The following MED26 variants were observed in gnomAD, a reference collection of about 807,000 sequenced individuals.
The protein encoded by MED26 is mediator complex subunit 26, also known as mediator of RNA polymerase II transcription subunit 26.
MED26 carries 7 observed loss-of-function variants against 43.7 expected under a neutral mutation model. The observed-to-expected ratio is 0.16, with a 90% CI of 0.09 to 0.30. The LOEUF is 0.30. Among genes scored for constraint, MED26 ranks in the 10% least tolerant of loss-of-function variants. The pLI, the probability that MED26 is intolerant of heterozygous loss-of-function variation, is 1.00. For synonymous variants in MED26, 375 were observed against 371.1 expected (o/e 1.01, Z -0.12); for missense variants, 784 against 840.6 (o/e 0.93, Z 0.83).
chr19:16,577,141 G>C lies in MED26; in HGVS notation c.689C>G (p.Thr230Ser). The change falls in exon 3 of 3, where the codon ACC becomes AGC. Residue 230 changes from threonine to serine, a missense_variant. Transcript: ENST00000263390. This position sits in a 1 kb window ranked among gnomAD's most constrained non-coding sequence, Gnocchi z 8.1. Reference protein sequence around the residue: ...KIPVNAVRPHTSSPGLGKPPG... With the variant: ...KIPVNAVRPHSSSPGLGKPPG... The stretch of plus-strand genomic sequence containing the variant: ...GGGCTTGCCCAGGCCCGGGGAGCTG[G>C]TGTGCGGTCGCACGGCGTTGACGGG... 1.9e-6 allele frequency: 3 copies of C among 1,613,342 alleles called. No homozygotes were observed. The highest frequency in any genetic ancestry group is 1.1e-5 in the South Asian group (1 of 91,082).
intron 1 of MED26, 57 bp downstream of exon 1, chr19:16,627,814 AG>A: frequency 3.8e-6 from 5 of 1,302,974 alleles, no homozygotes; most frequent in Middle Eastern, 2.3e-4. Context: ...GGTACAGGAG[AG>A]GGGGAGGGTC....
At chr19:16,612,023 G>A (rs1392195190) in intron 1 of MED26, 1 of 152,126 alleles carries the variant, frequency 6.6e-6, no homozygotes, top group African/African-American at 2.4e-5. Flanking sequence ...TATGCCTCTT[G>A]CTACATAAAT....
At chr19:16,603,757 G>A (rs1222462810) in intron 1 of MED26, among the ~76,000 whole-genome samples, 1 of 152,174 alleles carries the variant, frequency 6.6e-6, no homozygotes, top group African/African-American at 2.4e-5. Flanking sequence ...AAAGCAGTGG[G>A]GGACCAGGGG....
intron 1 of MED26, among the ~76,000 whole-genome samples, chr19:16,621,866 G>T (rs577090790): frequency 6.6e-6 from 1 of 151,976 alleles, no homozygotes; most frequent in African/African-American, 2.4e-5. Context: ...AATCCAGAGG[G>T]TACAACAACA....
chr19:16,619,211 A>G (rs1355980043), intron 1 of MED26, among the ~76,000 whole-genome samples: 1 of 152,252 alleles, frequency 6.6e-6, no homozygotes, highest in Admixed American at 6.5e-5. Context: ...ATATCCCTTC[A>G]CATCAGTATC....
chr19:16,586,423 C>G lies in MED26; in HGVS notation c.73-8014G>C, dbSNP rs1434376569. On this transcript the variant is annotated intron_variant, in intron 1 of 2. Transcript: ENST00000263390. The surrounding 1 kb of genome is among the most constrained non-coding windows in gnomAD (Gnocchi z 5.1). ...TTTGAGTAGGTGGGGTGAAGGGTAC[C>G]AGGTGCCACCAGCCTGTGGTGATGT... Among the ~76,000 whole-genome samples, 2 of 152,240 alleles carry G rather than the reference C, an allele frequency of 1.3e-5. No homozygotes were observed. The highest frequency in any genetic ancestry group is 4.8e-5 in the African/African-American group (2 of 41,466).
At chr19:16,597,572 C>CA (rs1476329122) in intron 1 of MED26, 5 of 397,434 alleles carry the variant, frequency 1.3e-5, no homozygotes, top group African/African-American at 4.1e-5. Flanking sequence ...TGAAAGGAGG[C>CA]ACACACCAAC....
At chr19:16,608,983 T>A (rs1168853225) in intron 1 of MED26, among the ~76,000 whole-genome samples, 1 of 152,144 alleles carries the variant, frequency 6.6e-6, no homozygotes, top group East Asian at 1.9e-4. Flanking sequence ...AAAACTATTA[T>A]CTAATTCAGC....
chr19:16,610,088 C>T (rs948871276), intron 1 of MED26, among the ~76,000 whole-genome samples: 4 of 151,556 alleles, frequency 2.6e-5, no homozygotes, highest in South Asian at 2.1e-4. Flanking sequence ...ACAGCGAGAC[C>T]GTCTCTATAA....
At chr19:16,617,178 C>T (rs531997250) in intron 1 of MED26, among the ~76,000 whole-genome samples, 1 of 152,308 alleles carries the variant, frequency 6.6e-6, no homozygotes, top group South Asian at 2.1e-4. Context: ...AGAGGCAATG[C>T]ACAAGTCTTC....
In MED26 at chr19:16,612,720, G is replaced by C. The variant is rs567522996; in HGVS notation, c.72+15152C>G. Among the ~76,000 whole-genome samples, 6 of 152,338 alleles carry C rather than the reference G, an allele frequency of 3.9e-5. No homozygotes were observed. In the South Asian group the frequency reaches 1.2e-3, roughly 32 times the overall value. The stretch of plus-strand genomic sequence containing the variant: ...CTGCAGCACAGAGAGATTTGGAAAA[G>C]TACAGGCAGCTTTTAAACCTGCTTG... On this transcript the variant is annotated intron_variant, in intron 1 of 2. Transcript: ENST00000263390.
intron 1 of MED26, among the ~76,000 whole-genome samples, chr19:16,623,980 C>T (rs1263384959): frequency 3.3e-5 from 5 of 152,052 alleles, no homozygotes; most frequent in Non-Finnish European, 5.9e-5. Flanking sequence ...AGACTGGCTC[C>T]CCCACTCACA....
intron 1 of MED26, among the ~76,000 whole-genome samples, chr19:16,619,642 C>G (rs2086242396): frequency 1.3e-5 from 2 of 152,186 alleles, no homozygotes; most frequent in African/African-American, 4.8e-5. Context: ...TGCCAGCCCA[C>G]TGGGCTCTCG....
In MED26 at chr19:16,577,284, G is replaced by A; in HGVS notation, c.546C>T (p.Thr182=). Residue 182 remains threonine, a synonymous_variant, in exon 3 of 3, where the codon ACC becomes ACT. Transcript: ENST00000263390. The surrounding 1 kb of genome is among the most constrained non-coding windows in gnomAD (Gnocchi z 8.1). ...PLVPNSSPLP[T]NGISGSPESF... ...TCTCTGGACTCCCACTGATCCCGTT[G>A]GTGGGGAGGGGGGATGAGTTGGGGA... 1 of 1,611,558 alleles carries A rather than the reference G, an allele frequency of 6.2e-7. No individual in the cohort carries two copies. Among genetic ancestry groups the A allele is most frequent in the Non-Finnish European group, 8.5e-7 (1 of 1,178,596 alleles).
chr19:16,619,238 CAGCACTGAAA>C, intron 1 of MED26, among the ~76,000 whole-genome samples: 1 of 152,362 alleles, frequency 6.6e-6, no homozygotes, highest in South Asian at 2.1e-4. Context: ...CTCCCACTGA[CAGCACTGAAA>C]AGCCAGCTTG....
Position 16,616,045 on chromosome 19 carries a change from A to T in MED26, c.72+11827T>A, listed in dbSNP as rs939988513. Reference sequence around the variant, plus strand: ...GCCAGTCCTACCTACATTACTAACCATCCAATGGGCATGGACTGGAGAGAG... The same window carrying T: ...GCCAGTCCTACCTACATTACTAACCTTCCAATGGGCATGGACTGGAGAGAG... On this transcript the variant is annotated intron_variant, in intron 1 of 2. Transcript: ENST00000263390. 1.3e-4 allele frequency among the ~76,000 whole-genome samples: 20 copies of T among 152,076 alleles called. 1 individual carries two copies. Among genetic ancestry groups the T allele is most frequent in the Admixed American group, 6.6e-5 (1 of 15,264 alleles).
intron 1 of MED26, among the ~76,000 whole-genome samples, chr19:16,603,593 C>T (rs1358893271): frequency 1.3e-5 from 2 of 152,172 alleles, no homozygotes; most frequent in Non-Finnish European, 2.9e-5. Context: ...GAAGGGACCT[C>T]AGCCCCTGAG....
At chr19:16,598,747 G>A (rs1385639655) in intron 1 of MED26, among the ~76,000 whole-genome samples, 1 of 152,158 alleles carries the variant, frequency 6.6e-6, no homozygotes. Flanking sequence ...TTCTGACACT[G>A]GCGCATCAGG....
intron 1 of MED26, among the ~76,000 whole-genome samples, chr19:16,605,134 G>A (rs1021556544): frequency 1.3e-5 from 2 of 152,208 alleles, no homozygotes; most frequent in Admixed American, 1.3e-4. Flanking sequence ...TGTCAAAAAT[G>A]CATCAAAATG....
Sources: allele counts gnomAD v4.1 joint callset (sites outside exome capture counted in the v4.1 genomes callset), GRCh38; gene constraint gnomAD v4.1.1; non-coding constraint Gnocchi (gnomAD v3.1); transcripts MANE v1.5; gene names NCBI Gene and HGNC (gene_info 2026-07-23, HGNC 2026-07-21).